Variants in PRKCE observed in about 807,000 individuals in gnomAD.
PRKCE encodes protein kinase C epsilon type.
In PRKCE, 16 loss-of-function variants were observed where a neutral mutation model predicts 85.4. That is an observed-to-expected ratio of 0.19 (90% confidence interval 0.13 to 0.28). PRKCE has a LOEUF of 0.28. PRKCE is among the 10% of genes least tolerant of loss of function. The pLI, the probability that PRKCE is intolerant of heterozygous loss-of-function variation, is 1.00. For missense variants in PRKCE, 573 were observed against 975.2 expected (o/e 0.59, Z 5.49); for synonymous variants, 388 against 371.5 (o/e 1.04, Z -0.51).
At chr2:46,086,482 T>G in intron 11 of PRKCE, 120 bp downstream of exon 11, 1 of 1,221,996 alleles carries the variant, frequency 8.2e-7, no homozygotes, top group African/African-American at 1.5e-5. Context: ...GATTAGTTGT[T>G]TGTTCCAATT....
chr2:46,127,357 T>A (rs1292050358), intron 11 of PRKCE, among the ~76,000 whole-genome samples: 1 of 152,208 alleles, frequency 6.6e-6, no homozygotes, highest in African/African-American at 2.4e-5. Flanking sequence ...TGTATAGACT[T>A]GTTTATATAT....
intron 2 of PRKCE, among the ~76,000 whole-genome samples, chr2:45,919,776 A>C (rs187420464): frequency 2.8e-4 from 43 of 152,370 alleles, no homozygotes; most frequent in African/African-American, 1.0e-3. Context: ...GGCATGTACC[A>C]TGGCATGTGT....
chr2:45,793,919 G>A (rs902826289), intron 1 of PRKCE, among the ~76,000 whole-genome samples: 8 of 152,014 alleles, frequency 5.3e-5, no homozygotes. Flanking sequence ...TGCTTGGTTC[G>A]GATTGGTTCT....
At chr2:45,838,929 C>T (rs373444932) in intron 1 of PRKCE, among the ~76,000 whole-genome samples, 25 of 152,230 alleles carry the variant, frequency 1.6e-4, no homozygotes, top group African/African-American at 5.8e-4. Context: ...TTCATGATAA[C>T]TGCACCAATG....
chr2:45,662,933 C>A (rs948713319), intron 1 of PRKCE, among the ~76,000 whole-genome samples: 6 of 152,204 alleles, frequency 3.9e-5, no homozygotes. Context: ...TATCTCCCTG[C>A]CTTCTGCACT....
At chr2:45,844,070 T>G (rs1360491525) in intron 2 of PRKCE, among the ~76,000 whole-genome samples, 4 of 152,206 alleles carry the variant, frequency 2.6e-5, no homozygotes, top group Admixed American at 2.6e-4. Context: ...ACACACAGTC[T>G]CTAGTTTAAG....
At chr2:45,727,626 T>G (rs1360719944) in intron 1 of PRKCE, among the ~76,000 whole-genome samples, 1 of 152,174 alleles carries the variant, frequency 6.6e-6, no homozygotes, top group Non-Finnish European at 1.5e-5. Context: ...CTCTGCTTCT[T>G]GACTTCACAT....
intron 2 of PRKCE, among the ~76,000 whole-genome samples, chr2:45,952,707 G>A (rs2104348153): frequency 6.6e-6 from 1 of 152,292 alleles, no homozygotes; most frequent in South Asian, 2.1e-4. Context: ...TTAATGTACT[G>A]TACATTTAAA....
chr2:46,161,148 C>T (rs910844163), intron 14 of PRKCE, among the ~76,000 whole-genome samples: 1 of 152,248 alleles, frequency 6.6e-6, no homozygotes, highest in Non-Finnish European at 1.5e-5. Context: ...CCTGGGTTAA[C>T]TGTCCCCTGC....
At chr2:45,896,519 C>T (rs1188824997) in intron 2 of PRKCE, among the ~76,000 whole-genome samples, 2 of 152,156 alleles carry the variant, frequency 1.3e-5, no homozygotes, top group African/African-American at 4.8e-5. Flanking sequence ...CTTCTCTTTT[C>T]TGACTTTTAT....
At chr2:46,002,053 C>G (rs572423061) in intron 7 of PRKCE, among the ~76,000 whole-genome samples, 1 of 152,198 alleles carries the variant, frequency 6.6e-6, no homozygotes, top group South Asian at 2.1e-4. Flanking sequence ...CATGAAACAT[C>G]TGGGCCATTC....
At chr2:45,663,712 G>T (rs997843098) in intron 1 of PRKCE, among the ~76,000 whole-genome samples, 2 of 152,188 alleles carry the variant, frequency 1.3e-5, no homozygotes, top group Non-Finnish European at 1.5e-5. Flanking sequence ...GAACCCAGGA[G>T]GCGGAAGTTG....
At chr2:45,728,487 G>A (rs1243160336) in intron 1 of PRKCE, among the ~76,000 whole-genome samples, 3 of 152,134 alleles carry the variant, frequency 2.0e-5, no homozygotes, top group Non-Finnish European at 4.4e-5. Context: ...GTATCCTCTT[G>A]TGCATGCTGC....
intron 10 of PRKCE, among the ~76,000 whole-genome samples, chr2:46,051,424 A>T (rs1052846797): frequency 6.6e-6 from 1 of 152,198 alleles, no homozygotes; most frequent in Non-Finnish European, 1.5e-5. Context: ...CAGATGAGGA[A>T]ACTGAGGTTC....
At chr2:46,152,593 G>A (rs1676754396) in intron 13 of PRKCE, among the ~76,000 whole-genome samples, 1 of 151,868 alleles carries the variant, frequency 6.6e-6, no homozygotes. Context: ...TTGTTACCCA[G>A]GCTGGAGTGC....
At chr2:45,937,506 A>T (rs1351194009) in intron 2 of PRKCE, among the ~76,000 whole-genome samples, 1 of 152,182 alleles carries the variant, frequency 6.6e-6, no homozygotes, top group African/African-American at 2.4e-5. Context: ...AGGTCAGGAG[A>T]TGAAGACCAT....
chr2:45,843,048 G>C lies in PRKCE; in HGVS notation c.397G>C (p.Gly133Arg). The change falls in exon 2 of 15, where the codon GGG becomes CGG. Residue 133 changes from glycine to arginine, a missense_variant. Physicochemically the swap from Gly to Arg is moderately radical, Grantham distance 125. Transcript: ENST00000306156. ...AGTGTATGTGATCATCGATCTCTCA[G>C]GGTCGTCGGGTGAAGGTAGGAGAGC... is the stretch of plus-strand genomic sequence containing the variant. ...GRVYVIIDLSGSSGEAPKDNE... is the reference protein window; with the variant it reads ...GRVYVIIDLSRSSGEAPKDNE... The C allele has an allele frequency of 1.2e-6, 2 of 1,614,188 alleles. No individual in the cohort carries two copies. The highest frequency in any genetic ancestry group is 2.2e-5 in the East Asian group (1 of 44,888).
intron 1 of PRKCE, among the ~76,000 whole-genome samples, chr2:45,665,478 G>A (rs961838567): frequency 6.6e-6 from 1 of 152,198 alleles, no homozygotes; most frequent in African/African-American, 2.4e-5. Flanking sequence ...ATTTAAGTAA[G>A]CATCAACTCT....
rs986288130 is a variant in PRKCE at position 46,007,740 on chromosome 2, G to A, written c.1263+79G>A. On this transcript the variant is annotated intron_variant, in intron 9 of 14. Transcript: ENST00000306156. ...TTTCGTCTGTTTGATCTAAGATTGAGAGAGGAACCTTTCAGCCTGATCTCG... is the reference window on the plus strand; with the variant it reads ...TTTCGTCTGTTTGATCTAAGATTGAAAGAGGAACCTTTCAGCCTGATCTCG... The A allele has an allele frequency of 2.8e-6, 4 of 1,445,480 alleles. No individual in the cohort carries two copies. In the African/African-American group the frequency reaches 5.7e-5, roughly 20 times the overall value. 89.5% of individuals were successfully genotyped at this position (1,445,480 alleles called of 1,614,324 possible).
Sources: gnomAD v4.1 joint callset for allele counts (sites outside exome capture counted in the v4.1 genomes callset) on GRCh38, gnomAD v4.1.1 for gene constraint, MANE v1.5 for transcripts, NCBI Gene and HGNC (gene_info 2026-07-23, HGNC 2026-07-21) for gene names.